Variants in JHY observed in about 807,000 individuals in gnomAD.
The protein encoded by JHY is jhy protein homolog.
A neutral mutation model predicts 78.0 loss-of-function variants in JHY; 69 were observed. The ratio of observed to expected loss-of-function variants is 0.88; its 90% CI spans 0.73 to 1.08. JHY has a LOEUF of 1.08. Ranked by LOEUF, JHY falls within the 50% of genes least tolerant of loss-of-function variation. The probability of loss-of-function intolerance (pLI) is 0.00; values close to 1 mark genes in which losing one functional copy is unlikely to be tolerated. For synonymous variants in JHY, 368 were observed against 342.6 expected (o/e 1.07, Z -0.82); for missense variants, 944 against 927.8 (o/e 1.02, Z -0.23).
intron 1 of JHY, among the ~76,000 whole-genome samples, chr11:122,884,709 G>A (rs1591364182): frequency 6.6e-6 from 1 of 152,292 alleles, no homozygotes; most frequent in African/African-American, 2.4e-5. Context: ...CTTTCCCCAG[G>A]ATAGCATCCC....
rs1312951753 is a variant in JHY at position 122,898,100 on chromosome 11, A to G, written c.345-5825A>G. ...CTGTATTTCTTTACACATCGAATTC[A>G]TTAGTTGATTACTGTATTACTGTTG... On this transcript the variant is annotated intron_variant, in intron 2 of 8. Transcript: ENST00000227349. The surrounding 1 kb of genome is among the most constrained non-coding windows in gnomAD (Gnocchi z 4.4). Among the ~76,000 whole-genome samples the G allele has an allele frequency of 6.6e-6, 1 of 152,202 alleles. No homozygotes were observed. The highest frequency in any genetic ancestry group is 1.5e-5 in the Non-Finnish European group (1 of 68,032).
intron 2 of JHY, among the ~76,000 whole-genome samples, chr11:122,890,180 T>A (rs149244024): frequency 1.2e-4 from 19 of 152,210 alleles, no homozygotes; most frequent in African/African-American, 4.6e-4. Flanking sequence ...AAGATTAGGG[T>A]TCCTGTAACA....
In JHY at chr11:122,934,603, C is replaced by G. The variant is rs1005384260; in HGVS notation, c.1162C>G (p.Gln388Glu). The G allele has an allele frequency of 4.3e-6, 7 of 1,614,074 alleles. No homozygotes were observed. The African/African-American group carries it at 8.0e-5, about 18-fold the overall frequency. ...SSTTEEVTASQGNQNNPPRQQ... is the reference protein window; with the variant it reads ...SSTTEEVTASEGNQNNPPRQQ... Reference sequence around the variant, plus strand: ...CACAACGGAAGAGGTGACTGCCAGTCAGGGGAACCAGAATAACCCTCCCAG... The same window carrying G: ...CACAACGGAAGAGGTGACTGCCAGTGAGGGGAACCAGAATAACCCTCCCAG... The change falls in exon 5 of 9, where the codon CAG becomes GAG. Residue 388 changes from glutamine to glutamate, a missense_variant. Physicochemically the swap from Gln to Glu is conservative, Grantham distance 29 (BLOSUM62 2). Coordinates refer to ENST00000227349, the MANE Select transcript of JHY (RefSeq NM_024806.4).
chr11:122,932,323 T>A (rs1863653003), intron 4 of JHY, among the ~76,000 whole-genome samples: 1 of 152,188 alleles, frequency 6.6e-6, no homozygotes, highest in African/African-American at 2.4e-5. Context: ...AATAGCAGAT[T>A]TAACACTTGA....
At chr11:122,891,491 C>T (rs550320533) in intron 2 of JHY, among the ~76,000 whole-genome samples, 7 of 150,930 alleles carry the variant, frequency 4.6e-5, no homozygotes, top group African/African-American at 9.8e-5. Context: ...TCAGCACTCA[C>T]GAAGAAAGAG....
At chr11:122,925,097 G>A (rs1863468009) in intron 4 of JHY, 87 bp downstream of exon 4, 5 of 1,064,726 alleles carry the variant, frequency 4.7e-6, no homozygotes, top group Middle Eastern at 2.7e-4. Context: ...TATCACTTAA[G>A]GGTTTATTTT....
chr11:122,904,310 C>T lies in JHY; in HGVS notation c.730C>T (p.Arg244Cys). ...SHNEVFLPGS[R>C]GPRRRKSKQH... ...TAACGAGGTTTTCCTGCCGGGATCA[C>T]GTGGCCCTCGGCGAAGGAAATCCAA... Residue 244 changes from arginine (R) to cysteine (C), a missense_variant, in exon 3 of 9, where the codon CGT (arginine) becomes TGT (cysteine). Arg to Cys is a radical substitution (Grantham distance 180, BLOSUM62 -3). Coordinates refer to ENST00000227349, the MANE Select transcript of JHY (RefSeq NM_024806.4). 1 of 1,614,100 alleles carries T rather than the reference C, an allele frequency of 6.2e-7. No homozygotes were observed. The highest frequency in any genetic ancestry group is 8.5e-7 in the Non-Finnish European group (1 of 1,180,030).
Position 122,886,095 on chromosome 11 carries a change from G to A in JHY, c.246G>A (p.Trp82Ter). 6.2e-7 allele frequency: 1 copy of A among 1,614,160 alleles called. No homozygotes were observed. The highest frequency in any genetic ancestry group is 8.5e-7 in the Non-Finnish European group (1 of 1,180,044). ...DSLDEEESPR[W>*]GSLHEMEEEA... ...TAGACGAGGAGGAAAGCCCTCGATG[G>A]GGAAGCCTGCACGAGATGGAAGAGG... The change falls in exon 2 of 9, where the codon TGG becomes TGA. Residue 82 changes from tryptophan to a stop codon, truncating the protein, a stop_gained. Coordinates refer to ENST00000227349, the MANE Select transcript of JHY (RefSeq NM_024806.4). LOFTEE classifies it high-confidence loss of function.
At position 122,883,391 on chromosome 11, in the gene JHY, T is replaced by C. The variant is rs541583732; in HGVS notation, c.-90+419T>C. Among the ~76,000 whole-genome samples the C allele has an allele frequency of 2.4e-3, 365 of 152,252 alleles. No homozygotes were observed. The highest frequency in any genetic ancestry group is 7.3e-3 in the African/African-American group (303 of 41,546). The stretch of plus-strand genomic sequence containing the variant: ...GTTCCTTTTTCTTTACGATTCATCT[T>C]GGTGAGCCCAAGCAGGGTTCCTTTT... On this transcript the variant is annotated intron_variant, in intron 1 of 8. Coordinates refer to ENST00000227349, the MANE Select transcript of JHY (RefSeq NM_024806.4). This position sits in a 1 kb window ranked among gnomAD's most constrained non-coding sequence, Gnocchi z 4.4.
At chr11:122,891,026 AG>A (rs1174097669) in intron 2 of JHY, among the ~76,000 whole-genome samples, 1 of 152,148 alleles carries the variant, frequency 6.6e-6, no homozygotes, top group Non-Finnish European at 1.5e-5. Context: ...AGCCTCTCCT[AG>A]GCACACTCTT....
At chr11:122,907,450 A>G (rs1249763713) in intron 3 of JHY, among the ~76,000 whole-genome samples, 1 of 150,396 alleles carries the variant, frequency 6.6e-6, no homozygotes, top group Non-Finnish European at 1.5e-5. Flanking sequence ...CAAACTGTCT[A>G]CTCTTTATTA....
intron 2 of JHY, among the ~76,000 whole-genome samples, chr11:122,893,610 C>T (rs1206603527): frequency 6.6e-6 from 1 of 152,146 alleles, no homozygotes; most frequent in African/African-American, 2.4e-5. Context: ...TCAAGAAGAT[C>T]ATAATGAAAT....
intron 6 of JHY, among the ~76,000 whole-genome samples, chr11:122,953,959 T>C (rs1864144138): frequency 6.6e-6 from 1 of 152,190 alleles, no homozygotes; most frequent in African/African-American, 2.4e-5. Flanking sequence ...GTAGAAGTGT[T>C]GCCTATGTAG....
chr11:122,890,320 T>C (rs192486953), intron 2 of JHY, among the ~76,000 whole-genome samples: 2 of 152,292 alleles, frequency 1.3e-5, no homozygotes, highest in Admixed American at 1.3e-4. Context: ...AGGATGCAAA[T>C]GAAGCTTTAA....
At chr11:122,910,380 A>G (rs1376388807) in intron 3 of JHY, among the ~76,000 whole-genome samples, 1 of 151,958 alleles carries the variant, frequency 6.6e-6, no homozygotes, top group African/African-American at 2.4e-5. Flanking sequence ...GAAGCCCATG[A>G]GAATTGTCTG....
chr11:122,905,320 G>C (rs1338544982), intron 3 of JHY: 2 of 1,585,004 alleles, frequency 1.3e-6, no homozygotes, highest in South Asian at 1.2e-5. Context: ...AGTGGGGTTA[G>C]AATGGTAGAG....
rs1027027700 is a variant in JHY, at chr11:122,960,772, A to G, written c.*1327A>G. 2.0e-6 allele frequency: 1 copy of G among 494,506 alleles called. No individual in the cohort carries two copies. Among genetic ancestry groups the G allele is most frequent in the Non-Finnish European group, 4.0e-6 (1 of 249,582 alleles). 30.6% of individuals were successfully genotyped at this position (494,506 alleles called of 1,614,324 possible). A position where few individuals can be genotyped will look rare whatever the true frequency, so the allele number is the denominator to read the frequency against. ...AAGCAGGCTTCCATCAAACAAATCC[A>G]GGATGCAATTGATTTGGAGAAGTCG... On this transcript the variant is annotated 3_prime_UTR_variant, in exon 9 of 9. Coordinates refer to ENST00000227349, the MANE Select transcript of JHY (RefSeq NM_024806.4).
At chr11:122,896,303 A>C (rs1408091121) in intron 2 of JHY, among the ~76,000 whole-genome samples, 1 of 133,268 alleles carries the variant, frequency 7.5e-6, no homozygotes, top group African/African-American at 2.8e-5. Flanking sequence ...AGATCGCACC[A>C]CTGCACTCCA....
chr11:122,954,052 A>G (rs767148113), intron 6 of JHY, among the ~76,000 whole-genome samples: 8 of 152,240 alleles, frequency 5.3e-5, no homozygotes, highest in Non-Finnish European at 8.8e-5. Flanking sequence ...TGGGCAAGTA[A>G]CACAATTACC....
Sources: gnomAD v4.1 joint callset for allele counts (sites outside exome capture counted in the v4.1 genomes callset) on GRCh38, gnomAD v4.1.1 for gene constraint, Gnocchi (gnomAD v3.1) non-coding constraint, MANE v1.5 for transcripts, NCBI Gene and HGNC (gene_info 2026-07-23, HGNC 2026-07-21) for gene names.